RHBDD1: variants seen among roughly 807,000 people sequenced by gnomAD.
RHBDD1 encodes the protein rhomboid-related protein 4.
A neutral mutation model predicts 36.3 loss-of-function variants in RHBDD1; 38 were observed. That is an observed-to-expected ratio of 1.05 (90% confidence interval 0.81 to 1.37). The LOEUF (loss-of-function observed/expected upper bound fraction) is 1.37. RHBDD1 is among the 40% of genes most tolerant of loss of function. The pLI is 0.00. For synonymous variants in RHBDD1, 151 were observed against 136.5 expected, an observed-to-expected ratio of 1.11 and a Z score of -0.74; for missense variants, 393 against 377.6, an observed-to-expected ratio of 1.04 and a Z score of -0.34.
chr2:226,893,017 T>C (rs1375185535), intron 5 of RHBDD1, among the ~76,000 whole-genome samples: 1 of 152,184 alleles, frequency 6.6e-6, no homozygotes, highest in Non-Finnish European at 1.5e-5. Context: ...CATTCATTCA[T>C]GTTATGATGT....
At chr2:226,971,523 C>G (rs2177594) in intron 8 of RHBDD1, among the ~76,000 whole-genome samples, 69,014 of 152,040 alleles carry the variant, frequency 0.45, 15,887 homozygotes, top group South Asian at 0.56. Flanking sequence ...AGACTACCAG[C>G]TTATTTGACT....
At chr2:226,864,480 CATAAATATTTCTGTTAGAATGAG>C (rs1944150536) in intron 3 of RHBDD1, 101 bp from the exon 4 acceptor site, 1 of 552,416 alleles carries the variant, frequency 1.8e-6, no homozygotes, top group African/African-American at 1.9e-5. Flanking sequence ...AGATGTCGAA[CATAAATATTTCTGTTAGAATGAG>C]AAGTAGCATT....
chr2:226,915,607 T>C (rs1251299449), intron 8 of RHBDD1, among the ~76,000 whole-genome samples: 1 of 152,142 alleles, frequency 6.6e-6, no homozygotes, highest in East Asian at 1.9e-4. Context: ...AGTACATAAA[T>C]TATGACAATA....
At chr2:226,937,017 A>G (rs1198448248) in intron 8 of RHBDD1, among the ~76,000 whole-genome samples, 3 of 152,268 alleles carry the variant, frequency 2.0e-5, no homozygotes, top group Non-Finnish European at 2.9e-5. Context: ...GAAAGAATTT[A>G]CAGAAAACGA....
At chr2:226,927,512 T>C (rs1430909673) in intron 8 of RHBDD1, among the ~76,000 whole-genome samples, 1 of 152,026 alleles carries the variant, frequency 6.6e-6, no homozygotes, top group African/African-American at 2.4e-5. Flanking sequence ...GGTTTCTGGA[T>C]TATATATGGT....
the RHBDD1 span, among the ~76,000 whole-genome samples, chr2:226,801,217 G>C: frequency 1.3e-5 from 2 of 152,316 alleles, no homozygotes; most frequent in African/African-American, 4.8e-5. Context: ...GGCGGGCCGC[G>C]GGGGAGCGCG....
upstream of RHBDD1, among the ~76,000 whole-genome samples, chr2:226,834,186 T>C (rs1427161978): frequency 1.3e-5 from 2 of 152,192 alleles, no homozygotes; most frequent in Non-Finnish European, 2.9e-5. Context: ...GATGCAATTA[T>C]AGAAAGATGT....
rs1948734946 is a variant in RHBDD1 at position 226,914,279 on chromosome 2, G to C, written c.784G>C (p.Asp262His). ...CTATGAAGAAGCACCCAGGAACTAT[G>C]ACACGTACACAGCAGGACTGAGTGA... ...DHYEEAPRNY[D>H]TYTAGLSEEE... The change falls in exon 8 of 9, where the codon GAC (aspartate) becomes CAC (histidine). Residue 262 changes from aspartate to histidine, a missense_variant. Physicochemically the swap from Asp to His is moderately conservative, Grantham distance 81 (BLOSUM62 -1). Transcript: ENST00000392062. 2 of 1,613,724 alleles carry C rather than the reference G, an allele frequency of 1.2e-6. No homozygotes were observed. The highest frequency in any genetic ancestry group is 1.3e-5 in the African/African-American group (1 of 74,908).
chr2:226,852,608 G>T (rs1261063923), intron 3 of RHBDD1, among the ~76,000 whole-genome samples: 1 of 152,072 alleles, frequency 6.6e-6, no homozygotes, highest in East Asian at 1.9e-4. Context: ...CTTCCAGCCT[G>T]CAGAACTGTG....
At chr2:226,870,462 G>T in intron 5 of RHBDD1, among the ~76,000 whole-genome samples, 3 of 151,474 alleles carry the variant, frequency 2.0e-5, no homozygotes. Flanking sequence ...GACTTTTTTC[G>T]TCCTGAATGA....
chr2:226,923,619 T>G (rs1382233060), intron 8 of RHBDD1, among the ~76,000 whole-genome samples: 1 of 151,978 alleles, frequency 6.6e-6, no homozygotes, highest in Non-Finnish European at 1.5e-5. Context: ...CTTCTATCCC[T>G]CTCTCTCTCC....
intron 5 of RHBDD1, among the ~76,000 whole-genome samples, chr2:226,877,550 C>CTT (rs80311532): frequency 1.2e-4 from 14 of 120,784 alleles, no homozygotes; most frequent in East Asian, 4.6e-4. Context: ...AGCCATTTTC[C>CTT]TTTTTTTTTT....
intron 5 of RHBDD1, among the ~76,000 whole-genome samples, chr2:226,874,324 T>C (rs1007851877): frequency 1.3e-5 from 2 of 152,132 alleles, no homozygotes; most frequent in Non-Finnish European, 2.9e-5. Flanking sequence ...TCTCTATGGA[T>C]GTCAGGAAAT....
intron 3 of RHBDD1, among the ~76,000 whole-genome samples, chr2:226,839,921 G>A (rs1409341391): frequency 6.6e-6 from 1 of 152,190 alleles, no homozygotes; most frequent in Non-Finnish European, 1.5e-5. Flanking sequence ...GTCAAAGGAA[G>A]TGTATTACTT....
chr2:226,928,910 G>C (rs1406102826), intron 8 of RHBDD1, among the ~76,000 whole-genome samples: 1 of 151,962 alleles, frequency 6.6e-6, no homozygotes, highest in Non-Finnish European at 1.5e-5. Flanking sequence ...TAGAGGAAAT[G>C]GATAAATCCC....
intron 8 of RHBDD1, among the ~76,000 whole-genome samples, chr2:226,976,269 A>T (rs549387240): frequency 6.8e-6 from 1 of 145,990 alleles, no homozygotes. Flanking sequence ...TCCTCTGGTC[A>T]TACTAGATCT....
the RHBDD1 span, among the ~76,000 whole-genome samples, chr2:226,811,867 C>T: frequency 2.6e-3 from 399 of 152,244 alleles, 1 homozygote; most frequent in African/African-American, 8.5e-3. Flanking sequence ...ACAGTTTTGA[C>T]AGTCATAGGG....
chr2:226,877,600 T>C (rs894236441), intron 5 of RHBDD1, among the ~76,000 whole-genome samples: 1 of 150,164 alleles, frequency 6.7e-6, no homozygotes, highest in African/African-American at 2.5e-5. Context: ...TTCTTTTAAG[T>C]AAACATGGCA....
intron 8 of RHBDD1, chr2:226,988,339 A>G: frequency 6.5e-7 from 1 of 1,549,478 alleles, no homozygotes; most frequent in Non-Finnish European, 8.7e-7. Context: ...CAGGAAAACC[A>G]GGTCATAAAG....
Sources: allele counts gnomAD v4.1 joint callset (sites outside exome capture counted in the v4.1 genomes callset), GRCh38; gene constraint gnomAD v4.1.1; transcripts MANE v1.5; gene names NCBI Gene and HGNC (gene_info 2026-07-23, HGNC 2026-07-21).